The following COL4A3 variants were observed in gnomAD, a reference collection of about 807,000 sequenced individuals.
COL4A3 encodes collagen alpha-3(IV) chain.
COL4A3 carries 135 observed loss-of-function variants against 217.4 expected under a neutral mutation model. The ratio of observed to expected loss-of-function variants is 0.62; its 90% confidence interval spans 0.54 to 0.72. The LOEUF is 0.72. Among genes scored for constraint, COL4A3 ranks in the 30% least tolerant of loss-of-function variants. The probability of loss-of-function intolerance (pLI) is 0.00; values close to 1 mark genes in which losing one functional copy is unlikely to be tolerated. For missense variants in COL4A3, 1,868 were observed against 2,119.9 expected (o/e 0.88, Z 2.33); for synonymous variants, 690 against 736.3 (o/e 0.94, Z 1.02).
rs761897687 is a variant in COL4A3, at chr2:227,213,733, C to A, written c.88-24235C>A. Among the ~76,000 whole-genome samples the A allele has an allele frequency of 1.8e-4, 28 of 151,844 alleles. 1 individual carries two copies. The highest frequency in any genetic ancestry group is 2.6e-4 in the Non-Finnish European group (18 of 67,972). ...CCTGGTCAACATGGTGAAACCCCGT[C>A]TCTACCAAAAATACAAAAATTAGCC... On this transcript the variant is annotated intron_variant, in intron 1 of 51. Transcript: ENST00000396578.
At chr2:227,190,676 G>T (rs2066200441) in intron 1 of COL4A3, among the ~76,000 whole-genome samples, 1 of 152,196 alleles carries the variant, frequency 6.6e-6, no homozygotes, top group Admixed American at 6.5e-5. Flanking sequence ...GGAGGCCAAG[G>T]CAGGCAGATT....
intron 1 of COL4A3, among the ~76,000 whole-genome samples, chr2:227,217,791 C>T (rs978937400): frequency 1.3e-5 from 2 of 152,050 alleles, no homozygotes; most frequent in Non-Finnish European, 2.9e-5. Flanking sequence ...TTCTTGGTTA[C>T]CATCACCTGT....
chr2:227,174,323 T>C (rs1213523862), intron 1 of COL4A3, among the ~76,000 whole-genome samples: 1 of 152,060 alleles, frequency 6.6e-6, no homozygotes, highest in African/African-American at 2.4e-5. Flanking sequence ...AAACTAGAAA[T>C]CAAATTATCA....
intron 23 of COL4A3, chr2:227,268,277 G>A (rs1225272485): frequency 1.3e-5 from 2 of 152,354 alleles, no homozygotes; most frequent in Non-Finnish European, 2.9e-5. Context: ...TTGGACAGAT[G>A]AGGAAGCTGA....
chr2:227,254,537 C>T, intron 14 of COL4A3, 119 bp from the exon 15 acceptor site: 1 of 835,328 alleles, frequency 1.2e-6, no homozygotes, highest in East Asian at 2.5e-5. Context: ...TCTTAGATGG[C>T]TCAGCACTGA....
At position 227,313,516 on chromosome 2, in the gene COL4A3, C is replaced by A. The variant is rs1053540409; in HGVS notation, c.*1646C>A. On this transcript the variant is annotated 3_prime_UTR_variant, in exon 52 of 52. Coordinates refer to ENST00000396578, the MANE Select transcript of COL4A3 (RefSeq NM_000091.5). ...ACAAAGAGACAAAGCTTTGAAGATGCTTTTTGATCTACCTAGGTGGAGTTG... is the reference window on the plus strand; with the variant it reads ...ACAAAGAGACAAAGCTTTGAAGATGATTTTTGATCTACCTAGGTGGAGTTG... The A allele has an allele frequency of 6.6e-6, 1 of 152,584 alleles. No individual in the cohort carries two copies. Among genetic ancestry groups the A allele is most frequent in the African/African-American group, 2.4e-5 (1 of 41,430 alleles). The allele number at this position is 152,584 out of a possible 1,614,324, so 9.5% of individuals were successfully genotyped here.
At chr2:227,208,525 A>C (rs887028484) in intron 1 of COL4A3, among the ~76,000 whole-genome samples, 3 of 152,038 alleles carry the variant, frequency 2.0e-5, no homozygotes, top group Non-Finnish European at 4.4e-5. Context: ...CGACCCATGA[A>C]GATTCCATCT....
At chr2:227,296,869 C>T (rs1315550529) in intron 41 of COL4A3, among the ~76,000 whole-genome samples, 2 of 152,206 alleles carry the variant, frequency 1.3e-5, no homozygotes, top group African/African-American at 2.4e-5. Flanking sequence ...CCTTCTCCCT[C>T]TCCTTCTGCA....
In COL4A3 at chr2:227,302,677, C is replaced by CAAAAAAAA. The variant is rs56065709; in HGVS notation, c.3883-339_3883-332dup. On this transcript the variant is annotated intron_variant, in intron 43 of 51. Transcript: ENST00000396578. ...GGAGGACAAAACGAGACTCTTTCTC[C>CAAAAAAAA]AAAAAAAAAAAAAAAAAAAAAAAAA... Among the ~76,000 whole-genome samples the CAAAAAAAA allele has an allele frequency of 3.0e-3, 238 of 79,884 alleles. 34 individuals carry two copies. The highest frequency in any genetic ancestry group is 3.8e-3 in the African/African-American group (58 of 15,326). The allele number at this position is 79,884 out of a possible 152,430, so 52.4% of individuals were successfully genotyped here. A position where few individuals can be genotyped will look rare whatever the true frequency, so the allele number is the denominator to read the frequency against.
intron 39 of COL4A3, 44 bp downstream of exon 39, chr2:227,294,614 C>T: frequency 7.5e-7 from 1 of 1,334,530 alleles, no homozygotes; most frequent in Non-Finnish European, 1.1e-6. Flanking sequence ...ATGTGGGAGA[C>T]ACATTTTCTC....
rs755210150 is a variant in COL4A3, at chr2:227,253,301, C to T, written c.651C>T (p.His217=). 1 of 1,613,526 alleles carries T rather than the reference C, an allele frequency of 6.2e-7. No homozygotes were observed. Among genetic ancestry groups the T allele is most frequent in the Non-Finnish European group, 8.5e-7 (1 of 1,179,498 alleles). ...GAMGPRGPKG[H]MGERVIGHKG... is the part of the protein sequence containing the mutation. ...GGTTTTGTGTTTTCTTACAGGGTCA[C>T]ATGGGTGAAAGAGTGATAGGACATA... Residue 217 remains histidine (H), a synonymous_variant, in exon 12 of 52, where the codon CAC becomes CAT. Transcript: ENST00000396578. This position sits in a 1 kb window ranked among gnomAD's most constrained non-coding sequence, Gnocchi z 4.4.
At chr2:227,180,126 A>G (rs2065822265) in intron 1 of COL4A3, among the ~76,000 whole-genome samples, 2 of 152,192 alleles carry the variant, frequency 1.3e-5, no homozygotes, top group Non-Finnish European at 2.9e-5. Context: ...AGCCCTTGTC[A>G]GCGATTAGTA....
chr2:227,184,839 T>A (rs185952335), intron 1 of COL4A3, among the ~76,000 whole-genome samples: 19 of 148,600 alleles, frequency 1.3e-4, no homozygotes, highest in African/African-American at 4.4e-4. Flanking sequence ...AAATTCTCTC[T>A]AAACTTGTGT....
At chr2:227,174,786 C>A (rs186485275) in intron 1 of COL4A3, among the ~76,000 whole-genome samples, 1 of 152,132 alleles carries the variant, frequency 6.6e-6, no homozygotes, top group Non-Finnish European at 1.5e-5. Flanking sequence ...GGATTATAGG[C>A]GTGAGCCCCT....
At chr2:227,264,728 T>C (rs991565880) in intron 21 of COL4A3, 3 of 152,250 alleles carry the variant, frequency 2.0e-5, no homozygotes, top group African/African-American at 7.2e-5. Flanking sequence ...AAGTCTCTTT[T>C]AAGATGGAGG....
intron 1 of COL4A3, among the ~76,000 whole-genome samples, chr2:227,203,978 A>T (rs1011221596): frequency 3.9e-5 from 6 of 152,130 alleles, no homozygotes; most frequent in Admixed American, 2.0e-4. Context: ...CTTAATAAAT[A>T]TTCATTGACT....
chr2:227,245,656 T>G, intron 5 of COL4A3: 6 of 464,794 alleles, frequency 1.3e-5, no homozygotes, highest in Non-Finnish European at 2.4e-5. Context: ...CCTCTTCTTT[T>G]TCCCTTCCTT....
chr2:227,263,789 G>A lies in COL4A3; in HGVS notation c.1160G>A (p.Arg387Lys). The A allele has an allele frequency of 6.2e-7, 1 of 1,613,706 alleles. No homozygotes were observed. The highest frequency in any genetic ancestry group is 8.5e-7 in the Non-Finnish European group (1 of 1,179,724). The change falls in exon 21 of 52, where the codon AGG (arginine) becomes AAG (lysine). Residue 387 changes from arginine to lysine, a missense_variant. Around this residue, in one of 2 missense-constraint regions of COL4A3, gnomAD observed 1,503 missense variants for 1,786.1 expected, o/e 0.84. Transcript: ENST00000396578. The stretch of plus-strand genomic sequence containing the variant: ...GATTATTTTCTCCAAGGATCATCAA[G>A]GCCTGGCCTCAGAGGAGCCCCTGGA... Reference protein sequence around the residue: ...PGVPGSPGSSRPGLRGAPGWP... With the variant: ...PGVPGSPGSSKPGLRGAPGWP...
rs2069939384 is a variant in COL4A3, at chr2:227,253,647, G to A, written c.765+9G>A. On this transcript the variant is annotated intron_variant, in intron 13 of 51. Transcript: ENST00000396578. The surrounding 1 kb of genome is among the most constrained non-coding windows in gnomAD (Gnocchi z 4.4). ...GCCCAGATAACAGAACGGTAACTCT[G>A]CGATTTTATGATTAGTGTTGTGCCT... 1.2e-6 allele frequency: 2 copies of A among 1,611,140 alleles called. No individual in the cohort carries two copies. Among genetic ancestry groups the A allele is most frequent in the African/African-American group, 1.3e-5 (1 of 74,950 alleles).
Sources: allele counts gnomAD v4.1 joint callset (sites outside exome capture counted in the v4.1 genomes callset), GRCh38; gene constraint gnomAD v4.1.1; regional missense constraint gnomAD v4.1.1; non-coding constraint Gnocchi (gnomAD v3.1); transcripts MANE v1.5; gene names NCBI Gene and HGNC (gene_info 2026-07-23, HGNC 2026-07-21).